Variants in MIER1 observed in about 807,000 individuals in gnomAD.
The protein encoded by MIER1 is mesoderm induction early response protein 1.
Under a neutral mutation model 75.7 loss-of-function variants are expected in MIER1, and 40 were observed. The observed-to-expected ratio is 0.53, with a 90% confidence interval of 0.41 to 0.69. The LOEUF (loss-of-function observed/expected upper bound fraction) is 0.69, where lower values mean the gene tolerates loss of function less well. MIER1 is among the 30% of genes least tolerant of loss of function. The pLI is 0.00. For missense variants in MIER1, 574 were observed against 680.2 expected, an observed-to-expected ratio of 0.84 and a Z score of 1.74; for synonymous variants, 213 against 223.4, an observed-to-expected ratio of 0.95 and a Z score of 0.42.
At chr1:66,963,772 G>C (rs1308381732) in intron 8 of MIER1, among the ~76,000 whole-genome samples, 1 of 151,962 alleles carries the variant, frequency 6.6e-6, no homozygotes, top group Non-Finnish European at 1.5e-5. Flanking sequence ...GCCTGGCGTC[G>C]TGGCGCGCAC....
intron 3 of MIER1, among the ~76,000 whole-genome samples, chr1:66,943,566 TTCCTTTCC>T (rs769964410): frequency 1.3e-5 from 2 of 152,120 alleles, no homozygotes; most frequent in Non-Finnish European, 2.9e-5. Flanking sequence ...TTCCTTTCGT[TTCCTTTCC>T]TCCTTTCCTC....
At chr1:66,951,109 T>C (rs965164349) in intron 4 of MIER1, among the ~76,000 whole-genome samples, 1 of 152,222 alleles carries the variant, frequency 6.6e-6, no homozygotes, top group African/African-American at 2.4e-5. Context: ...ACCTATAATA[T>C]GTTAGTGTTT....
chr1:66,943,472 A>C (rs866567329), intron 3 of MIER1, among the ~76,000 whole-genome samples: 9 of 152,088 alleles, frequency 5.9e-5, no homozygotes, highest in Admixed American at 3.9e-4. Flanking sequence ...TTTGGCATGT[A>C]ATTATGTTTT....
At chr1:66,981,480 A>G (rs1665868646) in intron 12 of MIER1, among the ~76,000 whole-genome samples, 2 of 152,142 alleles carry the variant, frequency 1.3e-5, no homozygotes, top group South Asian at 4.1e-4. Context: ...CAGTTAAGAG[A>G]TCTTCCAGTT....
rs150870135 is a variant in MIER1 at position 66,985,814 on chromosome 1, A to ATTT, written c.*935_*937dup. On this transcript the variant is annotated 3_prime_UTR_variant, in exon 14 of 14. Coordinates refer to ENST00000401041, the MANE Select transcript of MIER1 (RefSeq NM_001077700.3). ...TAAAGCATTCATAAAGGATTATAAAATTTTTTTTTTTTTTTTTTTTTTTAA... is the reference window on the plus strand; with the variant it reads ...TAAAGCATTCATAAAGGATTATAAAATTTTTTTTTTTTTTTTTTTTTTTTTTAA... 89 of 630,014 alleles carry ATTT rather than the reference A, an allele frequency of 1.4e-4. No individual in the cohort carries two copies. Among genetic ancestry groups the ATTT allele is most frequent in the South Asian group, 3.0e-4 (4 of 13,376 alleles). 39.0% of individuals were successfully genotyped at this position (630,014 alleles called of 1,614,324 possible).
At chr1:66,944,142 G>A (rs1157407697) in intron 3 of MIER1, among the ~76,000 whole-genome samples, 1 of 151,982 alleles carries the variant, frequency 6.6e-6, no homozygotes, top group African/African-American at 2.4e-5. Flanking sequence ...ATTATTGTGA[G>A]TAACTGAAGA....
At chr1:66,960,657 A>T (rs72673722) in intron 7 of MIER1, among the ~76,000 whole-genome samples, 6,935 of 152,178 alleles carry the variant, frequency 0.046, 193 homozygotes, top group Middle Eastern at 0.085. Flanking sequence ...CTTCAAAAAA[A>T]TTTTTTATGT....
chr1:66,933,742 G>C (rs891997450), intron 2 of MIER1, among the ~76,000 whole-genome samples: 8 of 152,094 alleles, frequency 5.3e-5, no homozygotes, highest in African/African-American at 1.9e-4. Flanking sequence ...TCACCAGTGC[G>C]TGAGAGTCCT....
chr1:66,964,744 A>G (rs7511948), intron 8 of MIER1, among the ~76,000 whole-genome samples: 119,006 of 152,074 alleles, frequency 0.78, 46,916 homozygotes, highest in East Asian at 0.88. Flanking sequence ...GAGCCACTGC[A>G]CCTGGCCGTA....
rs536869840 is a variant in MIER1 at position 66,935,840 on chromosome 1, A to G, written c.169-4188A>G. On this transcript the variant is annotated intron_variant, in intron 2 of 13. Coordinates refer to ENST00000401041, the MANE Select transcript of MIER1 (RefSeq NM_001077700.3). ...TTGGCATTTATTTCTCTATCAACAC[A>G]AACAGATATCTCTATTTTTAATGGA... is the stretch of plus-strand genomic sequence containing the variant. Among the ~76,000 whole-genome samples, 10 of 152,294 alleles carry G rather than the reference A, an allele frequency of 6.6e-5. No homozygotes were observed. In the East Asian group the frequency reaches 1.9e-3, roughly 29 times the overall value.
chr1:66,971,640 C>G lies in MIER1; in HGVS notation c.925-15C>G, dbSNP rs1329442842. On this transcript the variant is annotated splice_polypyrimidine_tract_variant and intron_variant, in intron 9 of 13. Coordinates refer to ENST00000401041, the MANE Select transcript of MIER1 (RefSeq NM_001077700.3). ...TATAGTCCTTGTCACATATTCAAGCCTTTTATTTTTCTAGGCTTTATATGA... is the reference window on the plus strand; with the variant it reads ...TATAGTCCTTGTCACATATTCAAGCGTTTTATTTTTCTAGGCTTTATATGA... 1 of 1,317,338 alleles carries G rather than the reference C, an allele frequency of 7.6e-7. No individual in the cohort carries two copies. The highest frequency in any genetic ancestry group is 1.9e-5 in the Admixed American group (1 of 51,488). The allele number at this position is 1,317,338 out of a possible 1,614,324, so 81.6% of individuals were successfully genotyped here. A position where few individuals can be genotyped will look rare whatever the true frequency, so the allele number is the denominator to read the frequency against.
intron 8 of MIER1, among the ~76,000 whole-genome samples, chr1:66,964,298 C>G (rs1160845211): frequency 6.6e-6 from 1 of 151,628 alleles, no homozygotes; most frequent in Non-Finnish European, 1.5e-5. Flanking sequence ...TGGTCTTAAA[C>G]TCCTCACCTC....
At chr1:66,926,092 A>G in intron 1 of MIER1, 50 bp from the exon 2 acceptor site, 2 of 1,413,602 alleles carry the variant, frequency 1.4e-6, no homozygotes, top group Middle Eastern at 1.8e-4. Context: ...GTGAGCTTGT[A>G]TCATCGTTTC....
At chr1:66,960,298 A>T (rs1231503103) in intron 7 of MIER1, among the ~76,000 whole-genome samples, 1 of 152,188 alleles carries the variant, frequency 6.6e-6, no homozygotes, top group Non-Finnish European at 1.5e-5. Context: ...GATTGAATTT[A>T]ATGTTGACAT....
chr1:66,951,816 A>G (rs1251983899), intron 4 of MIER1, among the ~76,000 whole-genome samples: 1 of 152,066 alleles, frequency 6.6e-6, no homozygotes, highest in Non-Finnish European at 1.5e-5. Context: ...CAGCCCTCTT[A>G]TTTCACATTG....
intron 12 of MIER1, among the ~76,000 whole-genome samples, chr1:66,979,342 T>C (rs1323716548): frequency 2.0e-5 from 3 of 152,218 alleles, no homozygotes; most frequent in Admixed American, 6.5e-5. Flanking sequence ...TTTCTCATCC[T>C]TCTTTTTAGG....
chr1:66,942,610 T>G (rs1656506987), intron 3 of MIER1, among the ~76,000 whole-genome samples: 1 of 152,096 alleles, frequency 6.6e-6, no homozygotes, highest in South Asian at 2.1e-4. Flanking sequence ...TTTTTTTTCC[T>G]AGGAGACAGC....
At chr1:66,968,970 A>AT (rs1662995614) in intron 8 of MIER1, among the ~76,000 whole-genome samples, 1 of 152,208 alleles carries the variant, frequency 6.6e-6, no homozygotes, top group Admixed American at 6.5e-5. Context: ...TCCCAAAAAT[A>AT]TAAGAACTTT....
chr1:66,960,550 C>G (rs937338080), intron 7 of MIER1, among the ~76,000 whole-genome samples: 1 of 152,082 alleles, frequency 6.6e-6, no homozygotes, highest in African/African-American at 2.4e-5. Flanking sequence ...AGTGATGTTT[C>G]CCCTGTTGTC....
Sources: allele counts gnomAD v4.1 joint callset (sites outside exome capture counted in the v4.1 genomes callset), GRCh38; gene constraint gnomAD v4.1.1; transcripts MANE v1.5; gene names NCBI Gene and HGNC (gene_info 2026-07-23, HGNC 2026-07-21).